GAL: variants seen among roughly 807,000 people sequenced by gnomAD.
The protein encoded by GAL is galanin and GMAP prepropeptide, also known as galanin peptides.
Under a neutral mutation model 15.8 loss-of-function variants are expected in GAL, and 14 were observed. The ratio of observed to expected loss-of-function variants is 0.89; its 90% CI spans 0.59 to 1.39. The LOEUF (loss-of-function observed/expected upper bound fraction) is 1.39. GAL is among the 40% of genes most tolerant of loss of function. The pLI, the probability that GAL is intolerant of heterozygous loss-of-function variation, is 0.00. For synonymous variants in GAL, 79 were observed against 73.8 expected, an observed-to-expected ratio of 1.07 and a Z score of -0.36; for missense variants, 176 against 170.4, an observed-to-expected ratio of 1.03 and a Z score of -0.18.
chr11:68,685,854 G>A (rs575522673), intron 3 of GAL, among the ~76,000 whole-genome samples: 6 of 152,046 alleles, frequency 3.9e-5, no homozygotes, highest in African/African-American at 9.6e-5. Context: ...GCCCTGTCCC[G>A]GGGTGAGATT....
chr11:68,685,137 C>T, intron 2 of GAL, 133 bp downstream of exon 2: 1 of 646,522 alleles, frequency 1.5e-6, no homozygotes. Flanking sequence ...GGGCGCTGTC[C>T]TGGCTGCGGG....
At chr11:68,690,831 C>A in intron 5 of GAL, 86 bp from the exon 6 acceptor site, 1 of 870,848 alleles carries the variant, frequency 1.1e-6, no homozygotes, top group Non-Finnish European at 2.0e-6. Context: ...GACCACACGC[C>A]GCTTCCTGTA....
In GAL at chr11:68,688,094, A is replaced by C; in HGVS notation, c.217A>C (p.Lys73Gln). 3.7e-6 allele frequency: 6 copies of C among 1,605,592 alleles called. No homozygotes were observed. Among genetic ancestry groups the C allele is most frequent in the Non-Finnish European group, 5.1e-6 (6 of 1,172,446 alleles). Residue 73 changes from lysine (K) to glutamine (Q), a missense_variant, in exon 4 of 6, where the codon AAA becomes CAA. Physicochemically the swap from Lys to Gln is moderately conservative, Grantham distance 53. Transcript: ENST00000265643. ...KRELRPEDDM[K>Q]PGSFDRSIPE... ...GGAGCTGCGGCCCGAAGATGACATGAAACCAGGTGAGAGGACTCCTATCCC... is the reference window on the plus strand; with the variant it reads ...GGAGCTGCGGCCCGAAGATGACATGCAACCAGGTGAGAGGACTCCTATCCC...
At chr11:68,686,695 CT>C (rs1424942903) in intron 3 of GAL, among the ~76,000 whole-genome samples, 1 of 152,174 alleles carries the variant, frequency 6.6e-6, no homozygotes, top group Non-Finnish European at 1.5e-5. Flanking sequence ...CTGCTGGTCT[CT>C]GTGCGGCCCT....
Position 68,684,620 on chromosome 11 carries a change from G to C in GAL, c.-113G>C, listed in dbSNP as rs1333211448. 2 of 277,100 alleles carry C rather than the reference G, an allele frequency of 7.2e-6. No homozygotes were observed. Among genetic ancestry groups the C allele is most frequent in the Admixed American group, 5.3e-5 (1 of 18,744 alleles). The allele number at this position is 277,100 out of a possible 1,614,324, so 17.2% of individuals were successfully genotyped here. A position where few individuals can be genotyped will look rare whatever the true frequency, so the allele number is the denominator to read the frequency against. Reference sequence around the variant, plus strand: ...CTGCCGGCCGCGCCATGCGGTGAGCGCCCCAGGCCGCCAGAGCCCACCCGA... The same window carrying C: ...CTGCCGGCCGCGCCATGCGGTGAGCCCCCCAGGCCGCCAGAGCCCACCCGA... On this transcript the variant is annotated 5_prime_UTR_variant, in exon 1 of 6. Transcript: ENST00000265643.
Position 68,688,916 on chromosome 11 carries a change from G to T in GAL, c.291G>T (p.Leu97Phe), listed in dbSNP as rs746920897. The T allele has an allele frequency of 2.0e-6, 3 of 1,503,356 alleles. No individual in the cohort carries two copies. Among genetic ancestry groups the T allele is most frequent in the Non-Finnish European group, 2.8e-6 (3 of 1,079,110 alleles). The allele number at this position is 1,503,356 out of a possible 1,614,324, so 93.1% of individuals were successfully genotyped here. A position where few individuals can be genotyped will look rare whatever the true frequency, so the allele number is the denominator to read the frequency against. ...MRTIIEFLSF[L>F]HLKEAGALDR... ...CAATCATTGAGTTTCTGTCTTTCTT[G>T]CATCTCAAAGGTATGTGAAATATCA... The change falls in exon 5 of 6, where the codon TTG (leucine) becomes TTT (phenylalanine). Residue 97 changes from leucine to phenylalanine, a missense_variant. By Grantham distance (22) the Leu-to-Phe change is conservative. Coordinates refer to ENST00000265643, the MANE Select transcript of GAL (RefSeq NM_015973.5).
At chr11:68,685,717 T>C (rs1594273986) in intron 3 of GAL, 69 bp downstream of exon 3, 1 of 1,122,736 alleles carries the variant, frequency 8.9e-7, no homozygotes, top group Admixed American at 1.8e-5. Flanking sequence ...CCCTGGCTCC[T>C]GCCCCTCCGC....
intron 2 of GAL, 75 bp downstream of exon 2, chr11:68,685,079 G>A: frequency 1.0e-6 from 1 of 971,600 alleles, no homozygotes. Flanking sequence ...TCCTGGAGGA[G>A]GCAGCCTCCG....
In GAL at chr11:68,684,683, A is replaced by C; in HGVS notation, c.-50A>C. 5.1e-5 allele frequency: 19 copies of C among 371,074 alleles called. No homozygotes were observed. The highest frequency in any genetic ancestry group is 1.3e-4 in the East Asian group (3 of 23,516). The allele number at this position is 371,074 out of a possible 1,614,324, so 23.0% of individuals were successfully genotyped here. ...CCCGGACCTGCCGCCCAGACCCGCC[A>C]CCGCACCCGGACCCCGACGCTCCGA... On this transcript the variant is annotated 5_prime_UTR_variant, in exon 1 of 6. Transcript: ENST00000265643.
chr11:68,685,957 T>TC (rs1417321040), intron 3 of GAL, among the ~76,000 whole-genome samples: 2 of 152,022 alleles, frequency 1.3e-5, no homozygotes, highest in Non-Finnish European at 2.9e-5. Context: ...CCCCCGGGTC[T>TC]CCCAAAACAC....
chr11:68,685,123 A>T, intron 2 of GAL, 119 bp downstream of exon 2: 1 of 689,982 alleles, frequency 1.4e-6, no homozygotes, highest in South Asian at 1.7e-5. Flanking sequence ...GAAAGTGGAA[A>T]GGCGGGCGCT....
Position 68,690,967 on chromosome 11 carries a change from G to A in GAL, c.352G>A (p.Glu118Lys). ...GGATCTCCCCGCCGCAGCCTCCTCA[G>A]AAGACATCGAGCGGTCCTGAGAGCC... is the stretch of plus-strand genomic sequence containing the variant. ...LLDLPAAASS[E>K]DIERS The change falls in exon 6 of 6, where the codon GAA (glutamate) becomes AAA (lysine). Residue 118 changes from glutamate to lysine, a missense_variant. Glu to Lys is a moderately conservative substitution (Grantham distance 56, BLOSUM62 1). Transcript: ENST00000265643. The A allele has an allele frequency of 6.2e-7, 1 of 1,612,866 alleles. No individual in the cohort carries two copies. Among genetic ancestry groups the A allele is most frequent in the Non-Finnish European group, 8.5e-7 (1 of 1,179,110 alleles).
At chr11:68,684,800 G>A in intron 1 of GAL, 68 bp downstream of exon 1, 1 of 615,256 alleles carries the variant, frequency 1.6e-6, no homozygotes, top group Non-Finnish European at 2.9e-6. Flanking sequence ...TCTGCCCAGG[G>A]ACGGTTCTGC....
rs147122838 is a variant in GAL, at chr11:68,690,921, C to A, written c.306C>A (p.Ala102=). 1.9e-6 allele frequency: 3 copies of A among 1,610,768 alleles called. No homozygotes were observed. Among genetic ancestry groups the A allele is most frequent in the Non-Finnish European group, 2.5e-6 (3 of 1,177,528 alleles). Residue 102 remains alanine (A), a synonymous_variant, in exon 6 of 6, where the codon GCC becomes GCA. Coordinates refer to ENST00000265643, the MANE Select transcript of GAL (RefSeq NM_015973.5). The stretch of plus-strand genomic sequence containing the variant: ...ATGTGGCTCTTCCCTTTGCAGAGGC[C>A]GGTGCCCTCGACCGCCTCCTGGATC... ...EFLSFLHLKE[A]GALDRLLDLP...
At chr11:68,686,687 G>A (rs1276615755) in intron 3 of GAL, among the ~76,000 whole-genome samples, 1 of 152,136 alleles carries the variant, frequency 6.6e-6, no homozygotes, top group Non-Finnish European at 1.5e-5. Context: ...CACAGAGCCT[G>A]CTGGTCTCTG....
In GAL at chr11:68,689,288, C is replaced by T. The variant is rs559667640; in HGVS notation, c.301+362C>T. ...ACTACAGGCCAAGTTCTTTGTGAAC[C>T]GTCCTAAACCTTTTCTCTTTTCTTT... On this transcript the variant is annotated intron_variant, in intron 5 of 5. Coordinates refer to ENST00000265643, the MANE Select transcript of GAL (RefSeq NM_015973.5). 5.9e-5 allele frequency among the ~76,000 whole-genome samples: 9 copies of T among 152,270 alleles called. No homozygotes were observed. The South Asian group carries it at 1.4e-3, about 25-fold the overall frequency.
chr11:68,688,221 T>G, intron 4 of GAL, 121 bp downstream of exon 4: 1 of 687,778 alleles, frequency 1.5e-6, no homozygotes. Flanking sequence ...TGGCCATGAC[T>G]TGACTAAGAC....
rs533111349 is a variant in GAL, at chr11:68,688,054, C to G, written c.177C>G (p.Gly59=). 69 of 1,612,928 alleles carry G rather than the reference C, an allele frequency of 4.3e-5. No homozygotes were observed. The highest frequency in any genetic ancestry group is 4.7e-5 in the Non-Finnish European group (56 of 1,179,190). The change falls in exon 4 of 6, where the codon GGC becomes GGG. Residue 59 remains glycine, a synonymous_variant. Coordinates refer to ENST00000265643, the MANE Select transcript of GAL (RefSeq NM_015973.5). ...ACAGGTCATTCAGCGACAAGAATGG[C>G]CTCACCAGCAAGCGGGAGCTGCGGC... The part of the protein sequence containing the change: ...GNHRSFSDKN[G]LTSKRELRPE...
At position 68,685,660 on chromosome 11, in the gene GAL, ACAG is replaced by A. The variant is rs1945845283; in HGVS notation, c.136+15_136+17del. 3 of 1,602,622 alleles carry A rather than the reference ACAG, an allele frequency of 1.9e-6. No homozygotes were observed. On this transcript the variant is annotated intron_variant, in intron 3 of 5. Coordinates refer to ENST00000265643, the MANE Select transcript of GAL (RefSeq NM_015973.5). The stretch of plus-strand genomic sequence containing the variant: ...CCTGCTGGGCCCACGTAAGTGACTG[ACAG>A]CATGGCCTCCCCACTCCTGACCCCA...
Sources: allele counts gnomAD v4.1 joint callset (sites outside exome capture counted in the v4.1 genomes callset), GRCh38; gene constraint gnomAD v4.1.1; transcripts MANE v1.5; gene names NCBI Gene and HGNC (gene_info 2026-07-23, HGNC 2026-07-21).